Variants in NLGN1 observed in about 807,000 individuals in gnomAD.
NLGN1 encodes the protein neuroligin 1.
NLGN1 carries 12 observed loss-of-function variants against 65.5 expected under a neutral mutation model. That is an observed-to-expected ratio of 0.18 (90% CI 0.12 to 0.30). The LOEUF is 0.30. Ranked by LOEUF, NLGN1 falls within the 10% of genes least tolerant of loss-of-function variation. The probability of loss-of-function intolerance (pLI) is 1.00; values close to 1 mark genes in which losing one functional copy is unlikely to be tolerated. For missense variants in NLGN1, 750 were observed against 1,007.1 expected (o/e 0.74, Z 3.46); for synonymous variants, 350 against 359.5 (o/e 0.97, Z 0.30).
intron 4 of NLGN1, among the ~76,000 whole-genome samples, chr3:174,163,041 CATTTTA>C (rs577955019): frequency 3.4e-4 from 52 of 151,948 alleles, no homozygotes; most frequent in African/African-American, 1.1e-3. Context: ...CCTGGATCTT[CATTTTA>C]AAGTGGAGAA....
chr3:174,191,617 G>A (rs1185446494), intron 4 of NLGN1, among the ~76,000 whole-genome samples: 1 of 152,162 alleles, frequency 6.6e-6, no homozygotes, highest in African/African-American at 2.4e-5. Flanking sequence ...CTGTGCTTGT[G>A]TGAACAGGCC....
At chr3:174,210,486 G>C (rs1439384820) in intron 4 of NLGN1, among the ~76,000 whole-genome samples, 1 of 152,150 alleles carries the variant, frequency 6.6e-6, no homozygotes, top group Non-Finnish European at 1.5e-5. Flanking sequence ...TGGTGGCAGG[G>C]GATGGAACAG....
chr3:173,434,107 A>G (rs73032410), intron 1 of NLGN1, among the ~76,000 whole-genome samples: 1 of 152,260 alleles, frequency 6.6e-6, no homozygotes, highest in African/African-American at 2.4e-5. Context: ...AAAATCCTTA[A>G]CTAGAAAGTG....
chr3:173,704,745 C>T (rs1023024431), intron 3 of NLGN1, among the ~76,000 whole-genome samples: 1 of 152,156 alleles, frequency 6.6e-6, no homozygotes, highest in African/African-American at 2.4e-5. Context: ...AGTACACTTT[C>T]ATAAATTGCA....
At chr3:173,802,424 AT>A (rs1486210750) in intron 3 of NLGN1, among the ~76,000 whole-genome samples, 2 of 152,222 alleles carry the variant, frequency 1.3e-5, no homozygotes, top group Non-Finnish European at 2.9e-5. Context: ...AAAACAGTCA[AT>A]TCCAGTTCGG....
intron 3 of NLGN1, among the ~76,000 whole-genome samples, chr3:173,778,830 A>G (rs1302334955): frequency 1.3e-5 from 2 of 151,728 alleles, no homozygotes; most frequent in Admixed American, 6.6e-5. Flanking sequence ...TGGATTACAT[A>G]TTGTAAAAAA....
intron 4 of NLGN1, among the ~76,000 whole-genome samples, chr3:174,122,983 AGCAAGCATATGT>A (rs1279976505): frequency 1.3e-5 from 2 of 152,056 alleles, no homozygotes; most frequent in Admixed American, 6.6e-5. Context: ...TTTTTAAGAT[AGCAAGCATATGT>A]GCAAATATCA....
intron 2 of NLGN1, among the ~76,000 whole-genome samples, chr3:173,456,212 A>G (rs1006159679): frequency 3.3e-5 from 5 of 152,188 alleles, no homozygotes; most frequent in African/African-American, 1.2e-4. Context: ...AAATAAATAT[A>G]AATGATATTT....
chr3:174,215,699 C>A (rs1737462655), intron 4 of NLGN1, among the ~76,000 whole-genome samples: 1 of 152,092 alleles, frequency 6.6e-6, no homozygotes, highest in Non-Finnish European at 1.5e-5. Context: ...GCAGCTAATT[C>A]AAATGAACGA....
intron 4 of NLGN1, among the ~76,000 whole-genome samples, chr3:173,828,658 A>G (rs1721844883): frequency 6.6e-6 from 1 of 152,150 alleles, no homozygotes; most frequent in African/African-American, 2.4e-5. Context: ...GGTGGCTGGG[A>G]AATTTGGAAA....
intron 3 of NLGN1, among the ~76,000 whole-genome samples, chr3:173,802,932 G>A (rs943753116): frequency 2.0e-5 from 3 of 151,500 alleles, no homozygotes; most frequent in Non-Finnish European, 2.9e-5. Flanking sequence ...CTCCGCCCTC[G>A]TGTTCAAGCA....
At chr3:173,791,086 G>C (rs968500105) in intron 3 of NLGN1, among the ~76,000 whole-genome samples, 1 of 152,174 alleles carries the variant, frequency 6.6e-6, no homozygotes. Flanking sequence ...GTCTACAGTC[G>C]TTAAAAACGG....
chr3:173,435,201 T>TTG (rs1458805412), intron 2 of NLGN1: 1 of 152,612 alleles, frequency 6.6e-6, no homozygotes, highest in Non-Finnish European at 1.5e-5. Flanking sequence ...GACTTACCTC[T>TTG]TTTGTTCCAT....
chr3:173,767,532 G>A (rs1037307497), intron 3 of NLGN1, among the ~76,000 whole-genome samples: 32 of 151,970 alleles, frequency 2.1e-4, no homozygotes, highest in Admixed American at 1.5e-3. Context: ...CTAAATGATC[G>A]TAATAACAGA....
intron 4 of NLGN1, among the ~76,000 whole-genome samples, chr3:174,091,868 A>G (rs549367713): frequency 1.3e-5 from 2 of 152,284 alleles, no homozygotes; most frequent in African/African-American, 4.8e-5. Flanking sequence ...TACTACTGTT[A>G]TAAGCCTCCC....
intron 3 of NLGN1, among the ~76,000 whole-genome samples, chr3:173,716,268 A>G (rs2149976495): frequency 6.6e-6 from 1 of 152,286 alleles, no homozygotes; most frequent in South Asian, 2.1e-4. Context: ...AAGATGGGTC[A>G]CAGATTTTGT....
chr3:173,812,336 T>C (rs185742394), intron 4 of NLGN1, among the ~76,000 whole-genome samples: 1 of 152,234 alleles, frequency 6.6e-6, no homozygotes. Context: ...TTTATTTTTA[T>C]TCTATTAGAT....
chr3:173,452,345 C>T (rs142681520), intron 2 of NLGN1, among the ~76,000 whole-genome samples: 9 of 152,122 alleles, frequency 5.9e-5, no homozygotes, highest in East Asian at 1.9e-4. Context: ...CCACCACGTC[C>T]GGCTAATTTT....
At chr3:173,509,232 A>T (rs1324922886) in intron 2 of NLGN1, among the ~76,000 whole-genome samples, 1 of 152,216 alleles carries the variant, frequency 6.6e-6, no homozygotes, top group African/African-American at 2.4e-5. Flanking sequence ...TCAAAACTTG[A>T]TGCTACAAAG....
Sources: allele counts gnomAD v4.1 joint callset (sites outside exome capture counted in the v4.1 genomes callset), GRCh38; gene constraint gnomAD v4.1.1; transcripts MANE v1.5; gene names NCBI Gene and HGNC (gene_info 2026-07-23, HGNC 2026-07-21).